The following DENND5A variants were observed in gnomAD, a reference collection of about 807,000 sequenced individuals.
The protein encoded by DENND5A is DENN domain containing 5A.
In DENND5A, 64 loss-of-function variants were observed where a neutral mutation model predicts 140.3. That is an observed-to-expected ratio of 0.46 (90% CI 0.37 to 0.56). The LOEUF is 0.56. DENND5A is among the 20% of genes least tolerant of loss of function. DENND5A has a pLI of 0.00. For synonymous variants in DENND5A, 605 were observed against 607.7 expected (o/e 1.00, Z 0.07); for missense variants, 1,292 against 1,593.8 (o/e 0.81, Z 3.22).
rs865895470 is a variant in DENND5A, at chr11:9,169,715, C to T, written c.2151+141G>A. 2.7e-5 allele frequency: 16 copies of T among 589,580 alleles called. 1 individual carries two copies. The highest frequency in any genetic ancestry group is 2.2e-4 in the African/African-American group (12 of 53,754). The allele number at this position is 589,580 out of a possible 1,614,324, so 36.5% of individuals were successfully genotyped here. On this transcript the variant is annotated intron_variant, in intron 10 of 22. Coordinates refer to ENST00000328194, the MANE Select transcript of DENND5A (RefSeq NM_015213.4). ...CAGGCCCAGCATTAGATATCAGGAA[C>T]TAGACCTATTATTAACCCTTCTTTA...
chr11:9,215,383 G>A (rs1029682426), intron 1 of DENND5A, among the ~76,000 whole-genome samples: 3 of 152,110 alleles, frequency 2.0e-5, no homozygotes, highest in Admixed American at 6.5e-5. Flanking sequence ...CAAACTGAAA[G>A]CACTTTTGTT....
chr11:9,227,375 T>G (rs960940972), intron 1 of DENND5A, among the ~76,000 whole-genome samples: 3 of 152,040 alleles, frequency 2.0e-5, no homozygotes, highest in Non-Finnish European at 4.4e-5. Flanking sequence ...TACAACTCCA[T>G]GTTAAGTGCT....
chr11:9,230,764 G>T (rs1850737071), intron 1 of DENND5A, among the ~76,000 whole-genome samples: 1 of 152,086 alleles, frequency 6.6e-6, no homozygotes, highest in African/African-American at 2.4e-5. Context: ...AGGCCAAGGC[G>T]GGTAGATCAC....
Position 9,216,477 on chromosome 11 carries a change from T to A in DENND5A, c.110-8845A>T, listed in dbSNP as rs555264569. On this transcript the variant is annotated intron_variant, in intron 1 of 22. Transcript: ENST00000328194. ...AACATTTTAGAAGCTGAAAAGCTGATGGATGAATGGTTACCAACAGTAGGC... is the reference window on the plus strand; with the variant it reads ...AACATTTTAGAAGCTGAAAAGCTGAAGGATGAATGGTTACCAACAGTAGGC... Among the ~76,000 whole-genome samples, 6 of 152,326 alleles carry A rather than the reference T, an allele frequency of 3.9e-5. No homozygotes were observed. In the South Asian group the frequency reaches 1.2e-3, roughly 32 times the overall value.
At chr11:9,248,525 T>C (rs955865412) in intron 1 of DENND5A, among the ~76,000 whole-genome samples, 1 of 151,956 alleles carries the variant, frequency 6.6e-6, no homozygotes, top group Non-Finnish European at 1.5e-5. Flanking sequence ...TGTGGTGGCA[T>C]GTGTCTGTGG....
chr11:9,251,299 T>C lies in DENND5A; in HGVS notation c.109+13662A>G, dbSNP rs191342809. Reference sequence around the variant, plus strand: ...AACCCAGCTAGTTCAGTACATAAAGTAGACCACAGATGGCCAAGCAAAATT... The same window carrying C: ...AACCCAGCTAGTTCAGTACATAAAGCAGACCACAGATGGCCAAGCAAAATT... On this transcript the variant is annotated intron_variant, in intron 1 of 22. Transcript: ENST00000328194. Among the ~76,000 whole-genome samples the C allele has an allele frequency of 3.9e-5, 6 of 152,198 alleles. No individual in the cohort carries two copies. In the South Asian group the frequency reaches 6.2e-4, roughly 16 times the overall value.
chr11:9,207,406 A>T (rs938265319), intron 2 of DENND5A, among the ~76,000 whole-genome samples, 155 bp downstream of exon 2: 48 of 152,186 alleles, frequency 3.2e-4, no homozygotes, highest in African/African-American at 1.1e-3. Flanking sequence ...AGAACCAAAG[A>T]ACCCACCACC....
intron 1 of DENND5A, among the ~76,000 whole-genome samples, chr11:9,260,799 T>C (rs953545295): frequency 1.3e-5 from 2 of 152,216 alleles, no homozygotes; most frequent in Admixed American, 6.6e-5. Context: ...CAGTCTATAT[T>C]AAACACAGCA....
chr11:9,263,536 A>G (rs1169614131), intron 1 of DENND5A, among the ~76,000 whole-genome samples: 1 of 148,286 alleles, frequency 6.7e-6, no homozygotes, highest in Non-Finnish European at 1.5e-5. Flanking sequence ...CGCCCCGCCT[A>G]ATTTTTTTTT....
At chr11:9,209,432 G>A (rs2136219584) in intron 1 of DENND5A, among the ~76,000 whole-genome samples, 1 of 152,284 alleles carries the variant, frequency 6.6e-6, no homozygotes, top group South Asian at 2.1e-4. Context: ...GGAGAGAAAG[G>A]CTATGAATCA....
At chr11:9,184,780 A>G (rs1848852105) in intron 5 of DENND5A, among the ~76,000 whole-genome samples, 1 of 152,190 alleles carries the variant, frequency 6.6e-6, no homozygotes, top group Non-Finnish European at 1.5e-5. Flanking sequence ...ATTGCTTATC[A>G]CCTTCTTACC....
At chr11:9,140,158 A>T (rs911209363) in intron 22 of DENND5A, 1 of 1,411,656 alleles carries the variant, frequency 7.1e-7, no homozygotes, top group African/African-American at 1.4e-5. Context: ...TCCCACAGCT[A>T]CCACCACCAG....
chr11:9,167,163 C>T (rs1848218768), intron 10 of DENND5A, among the ~76,000 whole-genome samples: 1 of 152,166 alleles, frequency 6.6e-6, no homozygotes, highest in African/African-American at 2.4e-5. Context: ...GATATCCTCT[C>T]AGTAGGTTCA....
At chr11:9,170,557 C>T (rs983534520) in intron 9 of DENND5A, 70 bp downstream of exon 9, 1 of 1,582,822 alleles carries the variant, frequency 6.3e-7, no homozygotes. Flanking sequence ...GGTAACAGCC[C>T]TAGCCCAGAT....
chr11:9,173,402 T>C (rs1007255926), intron 8 of DENND5A, among the ~76,000 whole-genome samples: 6 of 152,234 alleles, frequency 3.9e-5, no homozygotes, highest in Admixed American at 2.6e-4. Context: ...TAAAAGGTAA[T>C]TGACTGTTTA....
chr11:9,211,366 T>C (rs934794786), intron 1 of DENND5A, among the ~76,000 whole-genome samples: 5 of 151,950 alleles, frequency 3.3e-5, no homozygotes, highest in African/African-American at 1.2e-4. Flanking sequence ...GTAAAAGAAC[T>C]GAACTGAAAT....
intron 1 of DENND5A, among the ~76,000 whole-genome samples, chr11:9,243,563 G>T (rs1851333683): frequency 6.6e-6 from 1 of 152,064 alleles, no homozygotes; most frequent in Admixed American, 6.6e-5. Context: ...CCTTTTAAAT[G>T]ATCCACTTCC....
chr11:9,225,839 C>T (rs1186817777), intron 1 of DENND5A, among the ~76,000 whole-genome samples: 3 of 152,128 alleles, frequency 2.0e-5, no homozygotes, highest in African/African-American at 7.2e-5. Context: ...AATCCCAGCA[C>T]TTTGGGAGGC....
At chr11:9,174,997 A>G (rs1212529720) in intron 8 of DENND5A, among the ~76,000 whole-genome samples, 2 of 152,108 alleles carry the variant, frequency 1.3e-5, no homozygotes, top group Admixed American at 1.3e-4. Context: ...AGAAAAGGAA[A>G]AGAAATAAAA....
Sources: gnomAD v4.1 joint callset for allele counts (sites outside exome capture counted in the v4.1 genomes callset) on GRCh38, gnomAD v4.1.1 for gene constraint, MANE v1.5 for transcripts, NCBI Gene and HGNC (gene_info 2026-07-23, HGNC 2026-07-21) for gene names.